Variants in NOTCH3 observed in about 807,000 individuals in gnomAD.
NOTCH3 encodes the protein neurogenic locus notch homolog protein 3.
A neutral mutation model predicts 213.3 loss-of-function variants in NOTCH3; 86 were observed. The observed-to-expected ratio is 0.40, with a 90% confidence interval of 0.34 to 0.48. NOTCH3 has a LOEUF of 0.48. Ranked by LOEUF, NOTCH3 falls within the 20% of genes least tolerant of loss-of-function variation. The pLI, the probability that NOTCH3 is intolerant of heterozygous loss-of-function variation, is 0.57. For synonymous variants in NOTCH3, 1,354 were observed against 1,355.9 expected, an observed-to-expected ratio of 1.00 and a Z score of 0.03; for missense variants, 2,783 against 3,272.6, an observed-to-expected ratio of 0.85 and a Z score of 3.65.
rs1193624610 is a variant in NOTCH3 at position 15,187,921 on chromosome 19, G to C, written c.1566C>G (p.Cys522Trp). 6.5e-7 allele frequency: 1 copy of C among 1,550,016 alleles called. No homozygotes were observed. ...ACTCGTAGCCATCGGGCTGGTCCAC[G>C]CATTTGGCGCCATTCCTGCAGGGCG... ...ASTPCRNGAK[C>W]VDQPDGYECR... Residue 522 changes from cysteine to tryptophan, a missense_variant, in exon 10 of 33, where the codon TGC becomes TGG. This residue lies in a region of NOTCH3 where 708 missense variants were observed against 906.6 expected (regional missense o/e 0.78). Coordinates refer to ENST00000263388, the MANE Select transcript of NOTCH3 (RefSeq NM_000435.3).
intron 24 of NOTCH3, among the ~76,000 whole-genome samples, chr19:15,175,550 A>AC (rs2046780648): frequency 8.6e-5 from 4 of 46,438 alleles, no homozygotes; most frequent in South Asian, 7.8e-4. Context: ...AAAAAAAAAA[A>AC]AAATACATAT....
rs1026712299 is a variant in NOTCH3 at position 15,185,028 on chromosome 19, G to A, written c.2297-9C>T. ...GAGTTCACACTGACGTCCTGTTGGGGGTGGAAGAGAGGGAAGCAGAGATAG... is the reference window on the plus strand; with the variant it reads ...GAGTTCACACTGACGTCCTGTTGGGAGTGGAAGAGAGGGAAGCAGAGATAG... On this transcript the variant is annotated splice_polypyrimidine_tract_variant and intron_variant, in intron 14 of 32. Transcript: ENST00000263388. This position sits in a 1 kb window ranked among gnomAD's most constrained non-coding sequence, Gnocchi z 4.2. The A allele has an allele frequency of 7.0e-6, 10 of 1,438,272 alleles. No homozygotes were observed. Among genetic ancestry groups the A allele is most frequent in the Non-Finnish European group, 8.5e-6 (9 of 1,056,914 alleles). 89.1% of individuals were successfully genotyped at this position (1,438,272 alleles called of 1,614,324 possible).
At chr19:15,173,720 G>A (rs2046759057) in intron 25 of NOTCH3, among the ~76,000 whole-genome samples, 1 of 60,874 alleles carries the variant, frequency 1.6e-5, no homozygotes, top group African/African-American at 7.8e-5. Flanking sequence ...CAGAGACTCC[G>A]TCTCAAAAAA....
At chr19:15,199,237 A>T (rs983814641) in intron 1 of NOTCH3, among the ~76,000 whole-genome samples, 5 of 152,090 alleles carry the variant, frequency 3.3e-5, no homozygotes, top group African/African-American at 1.2e-4. Context: ...CTATCTGTAC[A>T]TGCATGTCAG....
rs971945734 is a variant in NOTCH3, at chr19:15,185,764, C to T, written c.1952-85G>A. On this transcript the variant is annotated intron_variant, in intron 12 of 32. Transcript: ENST00000263388. The surrounding 1 kb of genome is among the most constrained non-coding windows in gnomAD (Gnocchi z 4.2). ...GACGACGTGACCCCACTTAGCACAC[C>T]CACACCCCCGAGCAATGACCTCTTT... The T allele has an allele frequency of 3.8e-6, 5 of 1,319,698 alleles. No individual in the cohort carries two copies. Among genetic ancestry groups the T allele is most frequent in the East Asian group, 2.3e-5 (1 of 43,130 alleles). The allele number at this position is 1,319,698 out of a possible 1,614,324, so 81.7% of individuals were successfully genotyped here. A position where few individuals can be genotyped will look rare whatever the true frequency, so the allele number is the denominator to read the frequency against.
intron 19 of NOTCH3, 79 bp from the exon 20 acceptor site, chr19:15,180,335 C>CCAAGGATGTTGAATG: frequency 1.3e-6 from 2 of 1,499,508 alleles, no homozygotes; most frequent in Non-Finnish European, 9.2e-7. Flanking sequence ...GATCATTCAA[C>CCAAGGATGTTGAATG]ATCCTTGGTG....
At chr19:15,175,602 C>T (rs1231144999) in intron 24 of NOTCH3, among the ~76,000 whole-genome samples, 1 of 139,722 alleles carries the variant, frequency 7.2e-6, no homozygotes, top group South Asian at 2.3e-4. Flanking sequence ...CACACACACA[C>T]ACACACACAC....
At chr19:15,177,490 A>G (rs1335445224) in intron 24 of NOTCH3, 35 bp downstream of exon 24, 2 of 1,584,496 alleles carry the variant, frequency 1.3e-6, no homozygotes, top group African/African-American at 2.7e-5. Flanking sequence ...GGATGGATGC[A>G]TAGACAGACG....
At position 15,192,980 on chromosome 19, in the gene NOTCH3, C is replaced by G. The variant is rs150820609; in HGVS notation, c.198-461G>C. On this transcript the variant is annotated intron_variant, in intron 2 of 32. Transcript: ENST00000263388. Reference sequence around the variant, plus strand: ...ACGAATATTTACTGAGTACCTACTACGTTCTGAGCAATACAAATACAGCAA... The same window carrying G: ...ACGAATATTTACTGAGTACCTACTAGGTTCTGAGCAATACAAATACAGCAA... 2.4e-3 allele frequency among the ~76,000 whole-genome samples: 359 copies of G among 152,238 alleles called. 3 individuals are homozygous for G. Among genetic ancestry groups the G allele is most frequent in the African/African-American group, 8.1e-3 (336 of 41,526 alleles).
chr19:15,178,470 C>T (rs997939562), intron 23 of NOTCH3: 11 of 444,990 alleles, frequency 2.5e-5, no homozygotes, highest in Middle Eastern at 6.7e-4. Context: ...CTGCAACCTC[C>T]GCCTCCCGGG....
At chr19:15,166,754 C>T (rs1199052838) in intron 29 of NOTCH3, among the ~76,000 whole-genome samples, 1 of 152,202 alleles carries the variant, frequency 6.6e-6, no homozygotes, top group Non-Finnish European at 1.5e-5. Flanking sequence ...GAGCCACTTG[C>T]ATCCGGTTCT....
chr19:15,173,966 T>C (rs1599374150), intron 25 of NOTCH3, 102 bp downstream of exon 25: 8 of 1,017,934 alleles, frequency 7.9e-6, no homozygotes, highest in Non-Finnish European at 1.1e-5. Context: ...TCCTGACATC[T>C]GGTGGGTAAA....
At chr19:15,199,932 G>T (rs1006675238) in intron 1 of NOTCH3, among the ~76,000 whole-genome samples, 1 of 152,020 alleles carries the variant, frequency 6.6e-6, no homozygotes, top group Non-Finnish European at 1.5e-5. Context: ...CCCCCTCCCC[G>T]GCCCAGCCGC....
In NOTCH3 at chr19:15,186,900, A is replaced by G; in HGVS notation, c.1929T>C (p.Cys643=). ...VCRDGINRYD[C]VCQPGFTGPL... The stretch of plus-strand genomic sequence containing the variant: ...CACCTGTGAAGCCAGGTTGGCAGAC[A>G]CAGTCGTAGCGGTTGATGCCATCAC... Residue 643 remains cysteine, a synonymous_variant, in exon 12 of 33, where the codon TGT becomes TGC. Coordinates refer to ENST00000263388, the MANE Select transcript of NOTCH3 (RefSeq NM_000435.3). The G allele has an allele frequency of 6.2e-7, 1 of 1,614,176 alleles. No individual in the cohort carries two copies.
intron 24 of NOTCH3, among the ~76,000 whole-genome samples, chr19:15,175,997 GGACA>G (rs761054703): frequency 7.3e-4 from 110 of 151,614 alleles, no homozygotes; most frequent in Non-Finnish European, 1.4e-3. Flanking sequence ...GGACTGCCTA[GGACA>G]GACAGAGAGA....
chr19:15,195,957 G>T lies in NOTCH3; in HGVS notation c.197+1543C>A, dbSNP rs547019399. 4.6e-5 allele frequency among the ~76,000 whole-genome samples: 7 copies of T among 151,514 alleles called. No individual in the cohort carries two copies. In the South Asian group the frequency reaches 1.3e-3, roughly 27 times the overall value. Reference sequence around the variant, plus strand: ...AGTTAGGGGGGGCACGGCGGGTGAGGCGAGGACTAGGAGATGGGGACGAGG... The same window carrying T: ...AGTTAGGGGGGGCACGGCGGGTGAGTCGAGGACTAGGAGATGGGGACGAGG... On this transcript the variant is annotated intron_variant, in intron 2 of 32. Coordinates refer to ENST00000263388, the MANE Select transcript of NOTCH3 (RefSeq NM_000435.3).
Position 15,188,358 on chromosome 19 carries a change from G to A in NOTCH3, c.1379-10C>T. On this transcript the variant is annotated splice_polypyrimidine_tract_variant and intron_variant, in intron 8 of 32. Transcript: ENST00000263388. ...TAGGTTCCTGTGAAGCCTGGGGCAG[G>A]GAATAGGGCTTAGGAAAGCGGGGGC... 1 of 1,569,548 alleles carries A rather than the reference G, an allele frequency of 6.4e-7. No homozygotes were observed. The highest frequency in any genetic ancestry group is 1.1e-5 in the South Asian group (1 of 87,342).
intron 28 of NOTCH3, 43 bp downstream of exon 28, chr19:15,170,043 G>A (rs745797521): frequency 4.4e-6 from 5 of 1,146,202 alleles, no homozygotes; most frequent in Admixed American, 2.0e-5. Context: ...ACCCTGAGGG[G>A]AGGGGTCAGA....
At chr19:15,200,340 C>G (rs1439820776) in intron 1 of NOTCH3, among the ~76,000 whole-genome samples, 1 of 151,614 alleles carries the variant, frequency 6.6e-6, no homozygotes, top group Non-Finnish European at 1.5e-5. Flanking sequence ...CCCTCCCCAC[C>G]CCCCGCCTGG....
Sources: gnomAD v4.1 joint callset for allele counts (sites outside exome capture counted in the v4.1 genomes callset) on GRCh38, gnomAD v4.1.1 for gene constraint, gnomAD v4.1.1 regional missense constraint, Gnocchi (gnomAD v3.1) non-coding constraint, MANE v1.5 for transcripts, NCBI Gene and HGNC (gene_info 2026-07-23, HGNC 2026-07-21) for gene names.